Variants in SERGEF observed in about 807,000 individuals in gnomAD.
SERGEF encodes secretion-regulating guanine nucleotide exchange factor.
SERGEF carries 51 observed loss-of-function variants against 50.0 expected under a neutral mutation model. The ratio of observed to expected loss-of-function variants is 1.02; its 90% confidence interval spans 0.81 to 1.29. SERGEF has a LOEUF of 1.29. Ranked by LOEUF, SERGEF falls within the 50% of genes most tolerant of loss-of-function variation. SERGEF has a pLI of 0.00. For synonymous variants in SERGEF, 205 were observed against 212.4 expected, an observed-to-expected ratio of 0.97 and a Z score of 0.30; for missense variants, 521 against 557.0, an observed-to-expected ratio of 0.94 and a Z score of 0.65.
At chr11:17,868,495 C>T (rs766565105) in intron 10 of SERGEF, among the ~76,000 whole-genome samples, 19 of 152,182 alleles carry the variant, frequency 1.2e-4, no homozygotes, top group Non-Finnish European at 2.1e-4. Flanking sequence ...TAGGGGGCTC[C>T]AAACTTTCCC....
chr11:18,007,882 T>C lies in SERGEF; in HGVS notation c.196+59A>G. The C allele has an allele frequency of 3.3e-6, 5 of 1,511,842 alleles. No individual in the cohort carries two copies. In the South Asian group the frequency reaches 4.9e-5, roughly 15 times the overall value. 93.7% of individuals were successfully genotyped at this position (1,511,842 alleles called of 1,614,324 possible). A position where few individuals can be genotyped will look rare whatever the true frequency, so the allele number is the denominator to read the frequency against. On this transcript the variant is annotated intron_variant, in intron 2 of 10. Transcript: ENST00000265965. The stretch of plus-strand genomic sequence containing the variant: ...AAGGCTGAAAGATGGCAATATCATA[T>C]CCAGGGGAAAACGTCTAAATAAGAA...
At chr11:18,012,787 GCT>G in intron 1 of SERGEF, 162 bp downstream of exon 1, 129 of 699,928 alleles carry the variant, frequency 1.8e-4, no homozygotes, top group Middle Eastern at 4.4e-4. Context: ...CCGCCCGCCC[GCT>G]CCTCCTCCGC....
intron 6 of SERGEF, 70 bp from the exon 7 acceptor site, chr11:17,993,063 A>G (rs1294438320): frequency 7.8e-7 from 1 of 1,279,154 alleles, no homozygotes; most frequent in Non-Finnish European, 1.1e-6. Flanking sequence ...GGGGGCACTC[A>G]GCCAGTACCA....
intron 9 of SERGEF, among the ~76,000 whole-genome samples, chr11:17,935,226 C>T (rs189534146): frequency 2.0e-5 from 3 of 152,268 alleles, no homozygotes; most frequent in African/African-American, 7.2e-5. Flanking sequence ...AAAGAATGTT[C>T]CCAGCACCTT....
chr11:17,889,994 T>C (rs1035340760), intron 9 of SERGEF, among the ~76,000 whole-genome samples: 1 of 142,734 alleles, frequency 7.0e-6, no homozygotes, highest in Non-Finnish European at 1.5e-5. Context: ...TTAAGATCTG[T>C]GCATTTTACT....
intron 9 of SERGEF, among the ~76,000 whole-genome samples, chr11:17,901,283 T>C (rs1172884788): frequency 6.6e-6 from 1 of 152,216 alleles, no homozygotes; most frequent in African/African-American, 2.4e-5. Flanking sequence ...TTCTTAAGTG[T>C]TTCCTCTCTC....
chr11:17,996,330 C>T (rs77830365), intron 5 of SERGEF, among the ~76,000 whole-genome samples: 2 of 152,124 alleles, frequency 1.3e-5, no homozygotes, highest in African/African-American at 2.4e-5. Flanking sequence ...AGAGAGGATG[C>T]GATTTGTCTC....
At chr11:17,812,660 G>A (rs718439) in intron 10 of SERGEF, among the ~76,000 whole-genome samples, 75,570 of 152,022 alleles carry the variant, frequency 0.5, 19,335 homozygotes, top group East Asian at 0.86. Flanking sequence ...ATCTCTCCAG[G>A]ATGACTTAAT....
At chr11:17,940,605 A>T (rs1852543505) in intron 9 of SERGEF, among the ~76,000 whole-genome samples, 1 of 151,250 alleles carries the variant, frequency 6.6e-6, no homozygotes, top group Non-Finnish European at 1.5e-5. Context: ...TCTCTCTCTC[A>T]CTCTGTTGTC....
At chr11:18,005,804 C>T (rs879515084) in intron 3 of SERGEF, among the ~76,000 whole-genome samples, 1 of 152,086 alleles carries the variant, frequency 6.6e-6, no homozygotes, top group Non-Finnish European at 1.5e-5. Context: ...TGCTACCTGG[C>T]TTCACAAAGA....
intron 10 of SERGEF, among the ~76,000 whole-genome samples, chr11:17,796,916 C>A (rs545989364): frequency 2.8e-4 from 42 of 152,284 alleles, no homozygotes; most frequent in African/African-American, 8.9e-4. Flanking sequence ...CCCTTCACAC[C>A]AAGATCCACA....
At chr11:17,843,484 CTT>C (rs1045263306) in intron 10 of SERGEF, among the ~76,000 whole-genome samples, 4 of 152,162 alleles carry the variant, frequency 2.6e-5, no homozygotes, top group African/African-American at 9.7e-5. Context: ...GATTAAATGA[CTT>C]AGGAGAAATC....
At chr11:17,981,126 T>C (rs1853487930) in intron 8 of SERGEF, among the ~76,000 whole-genome samples, 1 of 152,212 alleles carries the variant, frequency 6.6e-6, no homozygotes, top group Non-Finnish European at 1.5e-5. Flanking sequence ...CTGCAGTGTC[T>C]GGGTCACTCC....
chr11:17,931,699 C>T (rs1852355684), intron 9 of SERGEF, among the ~76,000 whole-genome samples: 2 of 152,146 alleles, frequency 1.3e-5, no homozygotes, highest in African/African-American at 2.4e-5. Context: ...AAACATCACC[C>T]AATATCTGCA....
At chr11:18,006,916 C>T (rs546996543) in intron 2 of SERGEF, among the ~76,000 whole-genome samples, 170 bp from the exon 3 acceptor site, 7 of 152,210 alleles carry the variant, frequency 4.6e-5, no homozygotes, top group Admixed American at 2.0e-4. Flanking sequence ...AACACAAGGC[C>T]AAGGGCCTCA....
At chr11:17,821,886 C>T (rs1219437769) in intron 10 of SERGEF, among the ~76,000 whole-genome samples, 2 of 152,194 alleles carry the variant, frequency 1.3e-5, no homozygotes, top group Non-Finnish European at 2.9e-5. Flanking sequence ...GACACAGCTA[C>T]ATACACGTAG....
At chr11:17,965,122 TGTGGGAGGGACCTG>T (rs935740496) in intron 8 of SERGEF, among the ~76,000 whole-genome samples, 3 of 152,194 alleles carry the variant, frequency 2.0e-5, no homozygotes, top group Admixed American at 2.0e-4. Context: ...CCCCACATGT[TGTGGGAGGGACCTG>T]GTGGGAGGTA....
At chr11:17,922,979 T>A (rs1852186729) in intron 9 of SERGEF, among the ~76,000 whole-genome samples, 1 of 152,130 alleles carries the variant, frequency 6.6e-6, no homozygotes, top group Non-Finnish European at 1.5e-5. Flanking sequence ...CACCTGGAGG[T>A]TACCCTAACA....
At chr11:17,985,679 G>A (rs757447201) in intron 8 of SERGEF, among the ~76,000 whole-genome samples, 1 of 152,206 alleles carries the variant, frequency 6.6e-6, no homozygotes, top group Non-Finnish European at 1.5e-5. Flanking sequence ...CTGACTAACA[G>A]AGAAAAGTAT....
Sources: allele counts gnomAD v4.1 joint callset (sites outside exome capture counted in the v4.1 genomes callset), GRCh38; gene constraint gnomAD v4.1.1; transcripts MANE v1.5; gene names NCBI Gene and HGNC (gene_info 2026-07-23, HGNC 2026-07-21).